The following MCPH1 variants were observed in gnomAD, a reference collection of about 807,000 sequenced individuals.
MCPH1 encodes microcephalin 1, also known as microcephalin.
Under a neutral mutation model 84.5 loss-of-function variants are expected in MCPH1, and 104 were observed. The ratio of observed to expected loss-of-function variants is 1.23; its 90% CI spans 1.05 to 1.45. The LOEUF (loss-of-function observed/expected upper bound fraction) is 1.45. Ranked by LOEUF, MCPH1 falls within the 40% of genes most tolerant of loss-of-function variation. MCPH1 has a pLI of 0.00. For missense variants in MCPH1, 1,498 were observed against 1,005.7 expected, an observed-to-expected ratio of 1.49 and a Z score of -6.62; for synonymous variants, 514 against 366.8, an observed-to-expected ratio of 1.40 and a Z score of -4.58.
rs548329168 is a variant in MCPH1 at position 6,445,125 on chromosome 8, C to A, written c.1403C>A (p.Thr468Asn). 2.7e-4 allele frequency: 436 copies of A among 1,614,218 alleles called. 1 individual carries two copies. The South Asian group carries it at 4.3e-3, about 16-fold the overall frequency. ...GATTTTTCCTGCGTTGGCAAAAAAA[C>A]CAGAACAGTTGACATTACCAATTTC... ...MSDFSCVGKKTRTVDITNFTA... is the reference protein window; with the variant it reads ...MSDFSCVGKKNRTVDITNFTA... The change falls in exon 8 of 14, where the codon ACC (threonine) becomes AAC (asparagine). Residue 468 changes from threonine to asparagine, a missense_variant. Transcript: ENST00000344683.
At chr8:6,630,431 G>C (rs1797067987) in intron 13 of MCPH1, among the ~76,000 whole-genome samples, 2 of 152,248 alleles carry the variant, frequency 1.3e-5, no homozygotes, top group Non-Finnish European at 2.9e-5. Context: ...TACCAAAATT[G>C]ATTCAAGAAA....
intron 12 of MCPH1, among the ~76,000 whole-genome samples, chr8:6,515,413 A>G (rs2129567996): frequency 6.6e-6 from 1 of 152,320 alleles, no homozygotes; most frequent in African/African-American, 2.4e-5. Context: ...GGCTTGGCTT[A>G]GCACCTTGGC....
At chr8:6,609,013 T>A (rs1013646275) in intron 12 of MCPH1, among the ~76,000 whole-genome samples, 3 of 152,194 alleles carry the variant, frequency 2.0e-5, no homozygotes, top group Non-Finnish European at 4.4e-5. Flanking sequence ...GCAGAGTTGC[T>A]GGGGGTGGCC....
chr8:6,602,494 G>C (rs1829451552), intron 12 of MCPH1, among the ~76,000 whole-genome samples: 1 of 152,148 alleles, frequency 6.6e-6, no homozygotes, highest in African/African-American at 2.4e-5. Context: ...ATGCATGCGG[G>C]AGGAATGGAT....
chr8:6,542,374 A>G (rs1466896173), intron 12 of MCPH1, among the ~76,000 whole-genome samples: 1 of 151,794 alleles, frequency 6.6e-6, no homozygotes, highest in African/African-American at 2.4e-5. Flanking sequence ...ACATTCCAAA[A>G]CTTGTGTGTG....
intron 12 of MCPH1, among the ~76,000 whole-genome samples, chr8:6,572,593 C>A (rs187298445): frequency 6.6e-6 from 1 of 152,218 alleles, no homozygotes; most frequent in Non-Finnish European, 1.5e-5. Context: ...CCGACGTGCA[C>A]ACACACAGTG....
chr8:6,615,082 G>A (rs11137038), intron 12 of MCPH1, among the ~76,000 whole-genome samples: 46,815 of 152,072 alleles, frequency 0.31, 7,630 homozygotes, highest in South Asian at 0.42. Flanking sequence ...ATCACTTGGC[G>A]TGCATGTGAA....
At chr8:6,505,677 T>C (rs188401750) in intron 12 of MCPH1, among the ~76,000 whole-genome samples, 1,540 of 124,126 alleles carry the variant, frequency 0.012, 34 homozygotes, top group African/African-American at 0.042. Flanking sequence ...ATATATACTT[T>C]ACATATATAG....
At chr8:6,426,920 C>T (rs1042264695) in intron 3 of MCPH1, among the ~76,000 whole-genome samples, 6 of 152,034 alleles carry the variant, frequency 3.9e-5, no homozygotes, top group African/African-American at 1.5e-4. Flanking sequence ...AATATACAGT[C>T]AGGTATTGCT....
chr8:6,483,586 C>T (rs1049007132), intron 11 of MCPH1, among the ~76,000 whole-genome samples: 1 of 152,192 alleles, frequency 6.6e-6, no homozygotes, highest in Non-Finnish European at 1.5e-5. Flanking sequence ...GGTGCTGGAG[C>T]AGTTGGACAT....
intron 12 of MCPH1, among the ~76,000 whole-genome samples, chr8:6,579,183 C>G (rs923527725): frequency 5.3e-5 from 8 of 152,220 alleles, no homozygotes; most frequent in African/African-American, 1.4e-4. Context: ...CCTGTAGCCT[C>G]TAGCCCTCTT....
At chr8:6,415,010 C>T in intron 3 of MCPH1, 127 bp downstream of exon 3, 1 of 889,754 alleles carries the variant, frequency 1.1e-6, no homozygotes, top group South Asian at 1.5e-5. Flanking sequence ...CTTACCTCAC[C>T]TAGTAATTTG....
intron 12 of MCPH1, among the ~76,000 whole-genome samples, chr8:6,620,620 A>G (rs1831312323): frequency 6.6e-6 from 1 of 152,194 alleles, no homozygotes; most frequent in Non-Finnish European, 1.5e-5. Flanking sequence ...CAGATATTGT[A>G]GGAAAAATAA....
chr8:6,498,626 G>T (rs148462609), intron 11 of MCPH1, among the ~76,000 whole-genome samples: 7 of 152,106 alleles, frequency 4.6e-5, no homozygotes, highest in Admixed American at 3.3e-4. Flanking sequence ...AATGCCGCAC[G>T]CATTTTTAAG....
At chr8:6,538,241 A>C (rs1234023757) in intron 12 of MCPH1, among the ~76,000 whole-genome samples, 2 of 152,094 alleles carry the variant, frequency 1.3e-5, no homozygotes, top group Non-Finnish European at 2.9e-5. Context: ...GCCCACTTCT[A>C]TTTAGAAATA....
At chr8:6,509,194 T>C (rs1814422857) in intron 12 of MCPH1, 4 of 1,179,950 alleles carry the variant, frequency 3.4e-6, no homozygotes, top group African/African-American at 1.5e-5. Context: ...ATGCATACTC[T>C]GGACAAAATA....
chr8:6,603,414 A>C (rs1829523280), intron 12 of MCPH1, among the ~76,000 whole-genome samples: 1 of 152,140 alleles, frequency 6.6e-6, no homozygotes, highest in African/African-American at 2.4e-5. Flanking sequence ...AAATCATCAA[A>C]ATTTTTACAT....
At chr8:6,606,609 G>A (rs1279369543) in intron 12 of MCPH1, among the ~76,000 whole-genome samples, 1 of 152,206 alleles carries the variant, frequency 6.6e-6, no homozygotes, top group Non-Finnish European at 1.5e-5. Flanking sequence ...GTGCTGAATG[G>A]AGATATTCTA....
intron 4 of MCPH1, among the ~76,000 whole-genome samples, chr8:6,434,259 G>A (rs1802313936): frequency 6.6e-6 from 1 of 152,194 alleles, no homozygotes; most frequent in Admixed American, 6.5e-5. Context: ...CTGAGAACCA[G>A]GAAGCGCAAG....
Sources: allele counts gnomAD v4.1 joint callset (sites outside exome capture counted in the v4.1 genomes callset), GRCh38; gene constraint gnomAD v4.1.1; transcripts MANE v1.5; gene names NCBI Gene and HGNC (gene_info 2026-07-23, HGNC 2026-07-21).